Variants in PDE4DIP observed in about 807,000 individuals in gnomAD.
PDE4DIP encodes phosphodiesterase 4D interacting protein.
In PDE4DIP, 59 loss-of-function variants were observed where a neutral mutation model predicts 221.4. The observed-to-expected ratio is 0.27, with a 90% CI of 0.22 to 0.33. The LOEUF is 0.33. Among genes scored for constraint, PDE4DIP ranks in the 10% least tolerant of loss-of-function variants. PDE4DIP has a pLI of 1.00. For synonymous variants in PDE4DIP, 404 were observed against 815.9 expected (o/e 0.50, Z 8.60); for missense variants, 1,036 against 2,154.2 (o/e 0.48, Z 10.28).
chr1:148,819,916 CTTTTTTTTT>C (rs10699564), intron 1 of PDE4DIP, among the ~76,000 whole-genome samples: 1 of 34,792 alleles, frequency 2.9e-5, no homozygotes, highest in Admixed American at 2.6e-4. Flanking sequence ...CTGTTTATAT[CTTTTTTTTT>C]TTTTTTTTTT....
At chr1:148,955,205 G>A (rs1379580878) in intron 5 of PDE4DIP, among the ~76,000 whole-genome samples, 13 of 152,162 alleles carry the variant, frequency 8.5e-5, no homozygotes, top group Admixed American at 2.0e-4. Context: ...GTGGAGCCTC[G>A]CAGCTAAATT....
intron 9 of PDE4DIP, 54 bp downstream of exon 12, chr1:148,962,694 C>G: frequency 3.9e-6 from 2 of 510,186 alleles, no homozygotes. Flanking sequence ...CTGATCATAA[C>G]TTTTTAGCAG....
intron 1 of PDE4DIP, among the ~76,000 whole-genome samples, chr1:148,861,582 G>T (rs2148227998): frequency 1.4e-5 from 1 of 70,182 alleles, no homozygotes; most frequent in South Asian, 5.2e-4. Flanking sequence ...AGGTTGTGGT[G>T]AGCCGAGATC....
intron 2 of PDE4DIP, 22 bp downstream of exon 5, chr1:148,929,295 T>C (rs782594042): frequency 3.1e-6 from 5 of 1,593,638 alleles, no homozygotes; most frequent in Non-Finnish European, 4.3e-6. Context: ...TTTTAAGCTC[T>C]GGTCCTTTCC....
At chr1:148,813,863 C>T in intron 1 of PDE4DIP, among the ~76,000 whole-genome samples, 1 of 92,382 alleles carries the variant, frequency 1.1e-5, no homozygotes, top group Admixed American at 9.9e-5. Flanking sequence ...ATTGCCTTAG[C>T]ACCTTTGTTC....
chr1:149,009,551 C>G lies in PDE4DIP; in HGVS notation c.4704-17C>G. The G allele has an allele frequency of 6.5e-7, 1 of 1,541,904 alleles. No homozygotes were observed. Among genetic ancestry groups the G allele is most frequent in the Non-Finnish European group, 8.9e-7 (1 of 1,120,656 alleles). On this transcript the variant is annotated splice_polypyrimidine_tract_variant and intron_variant, in intron 29 of 43. Transcript: ENST00000369354. ...GGTGACCTTGGTTTTACCCGTTGTC[C>G]CCCTTCTCCCCACCAGGCTCAGCAG...
intron 35 of PDE4DIP, 21 bp from the exon 39 acceptor site, chr1:149,020,126 A>G (rs782752548): frequency 2.1e-5 from 9 of 436,886 alleles, no homozygotes; most frequent in African/African-American, 1.3e-4. Context: ...TAATAAATCA[A>G]TCCTGTGTTC....
chr1:148,964,377 A>T (rs2057746420), intron 9 of PDE4DIP, among the ~76,000 whole-genome samples: 1 of 152,042 alleles, frequency 6.6e-6, no homozygotes, highest in South Asian at 2.1e-4. Flanking sequence ...CAAAGTGGTG[A>T]GATTACAGGC....
intron 19 of PDE4DIP, 22 bp downstream of exon 22, chr1:148,978,437 C>G: frequency 1.4e-6 from 2 of 1,466,274 alleles, no homozygotes; most frequent in South Asian, 2.6e-5. Context: ...GAATATAAAC[C>G]TTATTTATTT....
At chr1:148,823,548 C>A (rs1469450275) in intron 1 of PDE4DIP, among the ~76,000 whole-genome samples, 2 of 150,526 alleles carry the variant, frequency 1.3e-5, no homozygotes, top group Non-Finnish European at 3.0e-5. Context: ...AACCCTACAA[C>A]ACCAGCTCCG....
exon 28 of PDE4DIP, chr1:149,007,301 G>T: frequency 6.2e-7 from 1 of 1,604,664 alleles, no homozygotes. Flanking sequence ...CACCCGGCAT[G>T]CAAAAGATAC....
chr1:148,950,781 A>C (rs879961526), intron 5 of PDE4DIP, among the ~76,000 whole-genome samples: 3 of 141,554 alleles, frequency 2.1e-5, no homozygotes, highest in Non-Finnish European at 3.1e-5. Flanking sequence ...ACCAGGCCCC[A>C]CCTCCAACAC....
At chr1:148,831,577 T>C in intron 1 of PDE4DIP, among the ~76,000 whole-genome samples, 1 of 12,304 alleles carries the variant, frequency 8.1e-5, no homozygotes, top group Middle Eastern at 9.8e-3. Flanking sequence ...AAGTCTTTAA[T>C]ACATCTCGAA....
chr1:149,005,084 A>G (rs1553592742), exon 27 of PDE4DIP: 1 of 1,613,638 alleles, frequency 6.2e-7, no homozygotes. Flanking sequence ...TCTTGGTCCT[A>G]CGAAAGGACA....
Position 149,030,427 on chromosome 1 carries a change from A to G in PDE4DIP, c.6999+149A>G, listed in dbSNP as rs1575709020. ...CTTGCAAGATCACAGGTCCTCAGTG[A>G]GCATCCTGCTAGTTTCTGTCCCCAT... On this transcript the variant is annotated intron_variant, in intron 43 of 43. Transcript: ENST00000369354. 38 of 1,488,564 alleles carry G rather than the reference A, an allele frequency of 2.6e-5. 1 individual carries two copies. The East Asian group carries it at 4.5e-4, about 18-fold the overall frequency. The allele number at this position is 1,488,564 out of a possible 1,614,324, so 92.2% of individuals were successfully genotyped here. A position where few individuals can be genotyped will look rare whatever the true frequency, so the allele number is the denominator to read the frequency against.
intron 1 of PDE4DIP, among the ~76,000 whole-genome samples, chr1:148,915,289 A>G (rs2043733713): frequency 6.6e-6 from 1 of 152,268 alleles, no homozygotes; most frequent in South Asian, 2.1e-4. Flanking sequence ...CTGGGATTAC[A>G]GGCACACACC....
At chr1:148,827,934 G>C (rs1163425707) in intron 1 of PDE4DIP, among the ~76,000 whole-genome samples, 1 of 36,458 alleles carries the variant, frequency 2.7e-5, no homozygotes, top group African/African-American at 7.5e-5. Context: ...GGACCAGCTA[G>C]TAGATGGCAT....
At chr1:149,022,464 G>C (rs1263211207) in intron 37 of PDE4DIP, among the ~76,000 whole-genome samples, 1 of 152,154 alleles carries the variant, frequency 6.6e-6, no homozygotes, top group Non-Finnish European at 1.5e-5. Context: ...AAAGAGTGAA[G>C]GGCAGTGGAA....
Position 148,935,217 on chromosome 1 carries a change from A to T in PDE4DIP, c.519-2530A>T, listed in dbSNP as rs370342018. Among the ~76,000 whole-genome samples, 444 of 152,048 alleles carry T rather than the reference A, an allele frequency of 2.9e-3. 3 individuals carry two copies. Among genetic ancestry groups the T allele is most frequent in the African/African-American group, 9.9e-3 (411 of 41,500 alleles). ...GACAGAGCAAGACTCCATCTCAAAAAAAAAAAGAATCACAACTGGAAACAT... is the reference window on the plus strand; with the variant it reads ...GACAGAGCAAGACTCCATCTCAAAATAAAAAAGAATCACAACTGGAAACAT... On this transcript the variant is annotated intron_variant, in intron 4 of 43. Coordinates refer to ENST00000369354, the Ensembl canonical transcript of PDE4DIP.
Sources: gnomAD v4.1 joint callset for allele counts (sites outside exome capture counted in the v4.1 genomes callset) on GRCh38, gnomAD v4.1.1 for gene constraint, MANE v1.5 for transcripts, NCBI Gene and HGNC (gene_info 2026-07-23, HGNC 2026-07-21) for gene names.